Variants in GGCX observed in about 807,000 individuals in gnomAD.
GGCX encodes the protein vitamin K-dependent gamma-carboxylase.
Under a neutral mutation model 88.5 loss-of-function variants are expected in GGCX, and 63 were observed. The ratio of observed to expected loss-of-function variants is 0.71; its 90% CI spans 0.58 to 0.88. GGCX has a LOEUF of 0.88. GGCX is among the 40% of genes least tolerant of loss of function. The pLI, the probability that GGCX is intolerant of heterozygous loss-of-function variation, is 0.00. For synonymous variants in GGCX, 368 were observed against 365.8 expected (o/e 1.01, Z -0.07); for missense variants, 805 against 932.9 (o/e 0.86, Z 1.79).
chr2:85,558,396 C>A (rs1692291126), intron 4 of GGCX, 44 bp downstream of exon 4: 3 of 1,546,040 alleles, frequency 1.9e-6, no homozygotes, highest in South Asian at 1.1e-5. Flanking sequence ...TGATAACCAT[C>A]CTGACCCAGC....
rs1691827895 is a variant in GGCX at position 85,549,542 on chromosome 2, GT to G, written c.*391del. 1.7e-4 allele frequency: 39 copies of G among 235,722 alleles called. No homozygotes were observed. In the South Asian group the frequency reaches 1.8e-3, roughly 11 times the overall value. The allele number at this position is 235,722 out of a possible 1,614,324, so 14.6% of individuals were successfully genotyped here. A position where few individuals can be genotyped will look rare whatever the true frequency, so the allele number is the denominator to read the frequency against. Reference sequence around the variant, plus strand: ...CGTCTGGCTAATTTTTGTATTTTTAGTAGAGAAGGGGTTTTGCCATGTTGGC... The same window carrying G: ...CGTCTGGCTAATTTTTGTATTTTTAGAGAGAAGGGGTTTTGCCATGTTGGC... On this transcript the variant is annotated 3_prime_UTR_variant, in exon 15 of 15. Coordinates refer to ENST00000233838, the MANE Select transcript of GGCX (RefSeq NM_000821.7).
Position 85,556,005 on chromosome 2 carries a change from T to G in GGCX, c.618+177A>C, listed in dbSNP as rs6738645. Among the ~76,000 whole-genome samples, 78,033 of 152,038 alleles carry G rather than the reference T, an allele frequency of 0.51. 21,002 individuals are homozygous for G. The highest frequency in any genetic ancestry group is 0.68 in the African/African-American group (28,253 of 41,462). The stretch of plus-strand genomic sequence containing the variant: ...TCTAGTCTTTCCTTGACAAATAAGA[T>G]AATTCAGAGATTAAGGGATTGGAAA... On this transcript the variant is annotated intron_variant, in intron 5 of 14. Transcript: ENST00000233838.
Position 85,552,442 on chromosome 2 carries a change from G to C in GGCX, c.1413C>G (p.Val471=), listed in dbSNP as rs369352657. Residue 471 remains valine (V), a synonymous_variant, in exon 10 of 15, where the codon GTC becomes GTG. Transcript: ENST00000233838. ...TEPQIYFDIW[V]SINDRFQQRI... ...TCTGCTGGAAGCGGTCATTGATGGA[G>C]ACCCAAATATCAAAGTAGATCTGGG... The C allele has an allele frequency of 8.1e-6, 13 of 1,613,992 alleles. No individual in the cohort carries two copies. The highest frequency in any genetic ancestry group is 1.1e-5 in the Non-Finnish European group (13 of 1,179,860).
At position 85,549,213 on chromosome 2, in the gene GGCX, C is replaced by G. The variant is rs1691809091; in HGVS notation, c.*721G>C. ...AAGTTCAAACCATCAGTCCATTCGT[C>G]ACTAGCTGTATGTCTTCGGGCAAAT... On this transcript the variant is annotated 3_prime_UTR_variant, in exon 15 of 15. Transcript: ENST00000233838. 6.6e-6 allele frequency: 1 copy of G among 152,324 alleles called. No individual in the cohort carries two copies. The highest frequency in any genetic ancestry group is 2.4e-5 in the African/African-American group (1 of 41,444). The allele number at this position is 152,324 out of a possible 1,614,324, so 9.4% of individuals were successfully genotyped here.
chr2:85,553,682 C>T, intron 7 of GGCX, 185 bp from the exon 8 acceptor site: 1 of 606,496 alleles, frequency 1.6e-6, no homozygotes, highest in South Asian at 1.9e-5. Flanking sequence ...TCACTGCAAC[C>T]TCTGCCTCCT....
intron 6 of GGCX, 58 bp downstream of exon 6, chr2:85,555,426 T>C (rs1692167394): frequency 1.1e-6 from 1 of 875,560 alleles, no homozygotes; most frequent in South Asian, 1.3e-5. Context: ...CTGAGAGAGA[T>C]GAGTCACCTG....
intron 2 of GGCX, among the ~76,000 whole-genome samples, chr2:85,559,301 G>A (rs1692336944): frequency 6.6e-6 from 1 of 152,200 alleles, no homozygotes; most frequent in East Asian, 1.9e-4. Flanking sequence ...CCCCATTTGT[G>A]AGAAGGGGAA....
chr2:85,557,265 A>G (rs1692241028), intron 4 of GGCX, among the ~76,000 whole-genome samples: 1 of 152,224 alleles, frequency 6.6e-6, no homozygotes, highest in Non-Finnish European at 1.5e-5. Flanking sequence ...AAATGCATAA[A>G]GTCATAAAAA....
intron 11 of GGCX, 55 bp from the exon 12 acceptor site, chr2:85,551,665 C>G (rs1212693109): frequency 1.2e-6 from 2 of 1,606,234 alleles, no homozygotes; most frequent in South Asian, 1.1e-5. Flanking sequence ...AACTCACTCC[C>G]AGCCAGAACA....
At position 85,550,627 on chromosome 2, in the gene GGCX, C is replaced by T. The variant is rs1350379349; in HGVS notation, c.2012G>A (p.Arg671His). ...RRQQRLQEIE[R>H]RRNTPFHERF... is the part of the protein sequence containing the mutation. ...CTCATGGAAAGGAGTATTTCGCCGG[C>T]GTTCAATCTCCTGGAGCCTTTGTTG... Residue 671 changes from arginine to histidine, a missense_variant, in exon 14 of 15, where the codon CGC (arginine) becomes CAC (histidine). Physicochemically the swap from Arg to His is conservative, Grantham distance 29 (BLOSUM62 0). This residue lies in a region of GGCX where 680 missense variants were observed against 763.7 expected (regional missense o/e 0.89). Coordinates refer to ENST00000233838, the MANE Select transcript of GGCX (RefSeq NM_000821.7). 22 of 1,613,882 alleles carry T rather than the reference C, an allele frequency of 1.4e-5. No homozygotes were observed. Among genetic ancestry groups the T allele is most frequent in the African/African-American group, 6.7e-5 (5 of 75,038 alleles).
rs1182518926 is a variant in GGCX at position 85,558,580 on chromosome 2, C to T, written c.399G>A (p.Leu133=). 2.5e-6 allele frequency: 4 copies of T among 1,613,722 alleles called. No individual in the cohort carries two copies. The highest frequency in any genetic ancestry group is 1.6e-4 in the Middle Eastern group (1 of 6,062). ...FLGALGMMLG[L]CYRISCVLFL... is the part of the protein sequence containing the mutation. Reference sequence around the variant, plus strand: ...ATAACACACAGCTTATCCGGTAGCACAGGCCCAGCATCATGCCCAGTGCCC... The same window carrying T: ...ATAACACACAGCTTATCCGGTAGCATAGGCCCAGCATCATGCCCAGTGCCC... Residue 133 remains leucine (L), a synonymous_variant, in exon 4 of 15, where the codon CTG becomes CTA. Transcript: ENST00000233838.
chr2:85,549,871 C>A lies in GGCX; in HGVS notation c.*63G>T. The stretch of plus-strand genomic sequence containing the variant: ...TTGAGAATTTTTTTCAAATAAATGT[C>A]CATTGCATAGAATGGGTCTGTGACT... On this transcript the variant is annotated 3_prime_UTR_variant, in exon 15 of 15. Transcript: ENST00000233838. The A allele has an allele frequency of 8.0e-6, 7 of 875,088 alleles. No individual in the cohort carries two copies. The highest frequency in any genetic ancestry group is 3.5e-5 in the African/African-American group (2 of 57,620). 54.2% of individuals were successfully genotyped at this position (875,088 alleles called of 1,614,324 possible).
Position 85,560,926 on chromosome 2 carries a change from C to G in GGCX, c.103G>C (p.Gly35Arg). Residue 35 changes from glycine to arginine, a missense_variant, in exon 2 of 15, where the codon GGG becomes CGG. Physicochemically the swap from Gly to Arg is moderately radical, Grantham distance 125 (BLOSUM62 -2). Around this residue, in one of 3 missense-constraint regions of GGCX, gnomAD observed 64 missense variants for 57.4 expected, o/e 1.12. Transcript: ENST00000233838. ...GTCCACTCAAAACCCAAGAGTTTCC[C>G]TATTCGGCTGTCCTGCCTGGGCCCT... ...ISGPRQDSRI[G>R]KLLGFEWTDL... 6.2e-7 allele frequency: 1 copy of G among 1,614,056 alleles called. No individual in the cohort carries two copies. Among genetic ancestry groups the G allele is most frequent in the Non-Finnish European group, 8.5e-7 (1 of 1,179,892 alleles).
chr2:85,550,051 C>T lies in GGCX; in HGVS notation c.2160G>A (p.Val720=), dbSNP rs1469800076. ...CAAAGGGTCTCAAGTTTGCATAAGT[C>T]ACCTCCTGGGCCAGCTGCTCCAGGG... is the stretch of plus-strand genomic sequence containing the variant. ...RPSLEQLAQE[V]TYANLRPFEA... Residue 720 remains valine (V), a synonymous_variant, in exon 15 of 15, where the codon GTG becomes GTA. Transcript: ENST00000233838. 2 of 1,613,078 alleles carry T rather than the reference C, an allele frequency of 1.2e-6. No individual in the cohort carries two copies. The highest frequency in any genetic ancestry group is 2.2e-5 in the East Asian group (1 of 44,866).
At position 85,551,037 on chromosome 2, in the gene GGCX, T is replaced by C. The variant is rs1377829074; in HGVS notation, c.1776A>G (p.Thr592=). ...PAGEYHKVYT[T]SPSPSCYMYV... Reference sequence around the variant, plus strand: ...ACATGTAGCAAGAAGGGCTAGGTGATGTCGTATACACCTTATGGTACTCAC... The same window carrying C: ...ACATGTAGCAAGAAGGGCTAGGTGACGTCGTATACACCTTATGGTACTCAC... Residue 592 remains threonine (T), a synonymous_variant, in exon 13 of 15, where the codon ACA becomes ACG. Coordinates refer to ENST00000233838, the MANE Select transcript of GGCX (RefSeq NM_000821.7). 2.5e-6 allele frequency: 4 copies of C among 1,613,524 alleles called. No homozygotes were observed. The highest frequency in any genetic ancestry group is 3.4e-6 in the Non-Finnish European group (4 of 1,179,510).
At chr2:85,558,675 A>G in intron 3 of GGCX, 70 bp from the exon 4 acceptor site, 1 of 1,222,172 alleles carries the variant, frequency 8.2e-7, no homozygotes, top group Middle Eastern at 1.9e-4. Flanking sequence ...GGACCAGGAT[A>G]TGGTTGGAAT....
At chr2:85,553,601 T>C in intron 7 of GGCX, 104 bp from the exon 8 acceptor site, 2 of 1,144,226 alleles carry the variant, frequency 1.7e-6, no homozygotes, top group Non-Finnish European at 2.6e-6. Flanking sequence ...AAAAGGAAAG[T>C]AGTTCTTCTT....
At position 85,561,405 on chromosome 2, in the gene GGCX, C is replaced by G. The variant is rs371622780; in HGVS notation, c.24G>C (p.Ala8=). 82 of 1,572,828 alleles carry G rather than the reference C, an allele frequency of 5.2e-5. No individual in the cohort carries two copies. Among genetic ancestry groups the G allele is most frequent in the Non-Finnish European group, 6.7e-5 (78 of 1,159,758 alleles). Residue 8 remains alanine (A), a synonymous_variant, in exon 1 of 15, where the codon GCG becomes GCC. Coordinates refer to ENST00000233838, the MANE Select transcript of GGCX (RefSeq NM_000821.7). MAVSAGS[A]RTSPSSDKVQ... is the part of the protein sequence containing the mutation. ...GCCTACCTGAGCTGGGCGAGGTCCG[C>G]GCGGACCCGGCAGACACCGCCATTG...
intron 6 of GGCX, chr2:85,554,717 C>T (rs1261511192): frequency 7.2e-6 from 2 of 276,992 alleles, no homozygotes; most frequent in African/African-American, 4.4e-5. Context: ...ATCCTCCCAC[C>T]CCAGCATCCC....
Sources: allele counts gnomAD v4.1 joint callset (sites outside exome capture counted in the v4.1 genomes callset), GRCh38; gene constraint gnomAD v4.1.1; regional missense constraint gnomAD v4.1.1; transcripts MANE v1.5; gene names NCBI Gene and HGNC (gene_info 2026-07-23, HGNC 2026-07-21).